Variants in NPEPPS observed in about 807,000 individuals in gnomAD.
The protein encoded by NPEPPS is puromycin-sensitive aminopeptidase.
NPEPPS carries 14 observed loss-of-function variants against 115.5 expected under a neutral mutation model. The ratio of observed to expected loss-of-function variants is 0.12; its 90% CI spans 0.08 to 0.19. The LOEUF is 0.19. Among genes scored for constraint, NPEPPS ranks in the 10% least tolerant of loss-of-function variants. The pLI, the probability that NPEPPS is intolerant of heterozygous loss-of-function variation, is 1.00. For missense variants in NPEPPS, 523 were observed against 1,110.8 expected (o/e 0.47, Z 7.52); for synonymous variants, 285 against 390.6 (o/e 0.73, Z 3.19).
intron 2 of NPEPPS, among the ~76,000 whole-genome samples, chr17:47,548,720 G>A (rs980000749): frequency 2.0e-5 from 3 of 151,594 alleles, no homozygotes; most frequent in Admixed American, 2.0e-4. Flanking sequence ...GGGATTACAG[G>A]CGTGTGCCAC....
chr17:47,530,114 T>TC (rs1907630723), upstream of NPEPPS, among the ~76,000 whole-genome samples: 1 of 143,528 alleles, frequency 7.0e-6, no homozygotes, highest in South Asian at 2.2e-4. Context: ...TTTTTTTTTT[T>TC]TTGTATTTTT....
chr17:47,554,348 C>CT (rs1235161307), intron 2 of NPEPPS, among the ~76,000 whole-genome samples: 28 of 151,278 alleles, frequency 1.9e-4, no homozygotes, highest in African/African-American at 6.5e-4. Context: ...CCAATATCTT[C>CT]TTTTTAAAAA....
At chr17:47,544,502 GTATTTATTTATTTATTTATTTATTTATT>G (rs61518431) in intron 1 of NPEPPS, among the ~76,000 whole-genome samples, 2 of 141,552 alleles carry the variant, frequency 1.4e-5, no homozygotes. Flanking sequence ...GAAATTAAAC[GTATTTATTTATTTATTTATTTATTTATT>G]TATTTATTTA....
intron 12 of NPEPPS, chr17:47,592,760 C>CT (rs3066327): frequency 8.0e-5 from 37 of 460,972 alleles, no homozygotes; most frequent in East Asian, 1.7e-4. Context: ...TCCTTTCTTT[C>CT]TTTTTTTTAA....
intron 1 of NPEPPS, among the ~76,000 whole-genome samples, chr17:47,538,526 C>CTTTTTTTT (rs1029993473): frequency 2.9e-5 from 3 of 104,440 alleles, no homozygotes; most frequent in East Asian, 3.1e-4. Flanking sequence ...TATCTGTTTT[C>CTTTTTTTT]TTTTTTTTTT....
At chr17:47,561,339 C>T in intron 2 of NPEPPS, among the ~76,000 whole-genome samples, 1 of 133,240 alleles carries the variant, frequency 7.5e-6, no homozygotes. Flanking sequence ...GCAGTGAGAC[C>T]CTGTCTCAAA....
chr17:47,595,486 A>G (rs1240210777), intron 12 of NPEPPS, among the ~76,000 whole-genome samples: 2 of 152,208 alleles, frequency 1.3e-5, no homozygotes, highest in African/African-American at 2.4e-5. Context: ...TCATCTGTTT[A>G]TCTTTTATTA....
At chr17:47,598,992 A>C (rs774106809) in intron 13 of NPEPPS, among the ~76,000 whole-genome samples, 14 of 152,214 alleles carry the variant, frequency 9.2e-5, no homozygotes, top group Non-Finnish European at 2.1e-4. Flanking sequence ...TCTCTAAAAA[A>C]ACTAAAAATA....
chr17:47,603,508 T>G (rs1913348865), intron 15 of NPEPPS: 1 of 154,168 alleles, frequency 6.5e-6, no homozygotes, highest in African/African-American at 2.4e-5. Flanking sequence ...AAAATTGGAA[T>G]CTGAAAATTG....
At chr17:47,599,617 CAA>C in intron 13 of NPEPPS, 57 bp from the exon 14 acceptor site, 1 of 1,456,494 alleles carries the variant, frequency 6.9e-7, no homozygotes, top group East Asian at 2.5e-5. Context: ...TCTTCAAAAA[CAA>C]AAACCAAAAC....
intron 1 of NPEPPS, among the ~76,000 whole-genome samples, chr17:47,537,177 G>T (rs1908366559): frequency 6.6e-6 from 1 of 151,582 alleles, no homozygotes; most frequent in Non-Finnish European, 1.5e-5. Context: ...AAAAAAGGAA[G>T]AAATTTTCTT....
At chr17:47,583,499 C>A (rs1357693915) in intron 5 of NPEPPS, among the ~76,000 whole-genome samples, 2 of 151,708 alleles carry the variant, frequency 1.3e-5, no homozygotes, top group African/African-American at 2.4e-5. Context: ...GTGGGAGGAT[C>A]ACTTGAACCC....
At chr17:47,588,997 G>T (rs1326114664) in intron 9 of NPEPPS, among the ~76,000 whole-genome samples, 5 of 152,156 alleles carry the variant, frequency 3.3e-5, no homozygotes, top group Non-Finnish European at 7.3e-5. Context: ...GTTCATTACA[G>T]TCTTTACCTC....
At chr17:47,529,523 G>C (rs918287785), upstream of NPEPPS, among the ~76,000 whole-genome samples, 5 of 148,850 alleles carry the variant, frequency 3.4e-5, no homozygotes, top group African/African-American at 1.2e-4. Context: ...TCCTGTCTCA[G>C]CCTCCCTAGT....
chr17:47,581,588 CCTT>C (rs2055674602), intron 4 of NPEPPS: 1 of 152,094 alleles, frequency 6.6e-6, no homozygotes, highest in Admixed American at 6.6e-5. Context: ...TTATACTCTC[CCTT>C]CTTTTCAGAT....
intron 1 of NPEPPS, among the ~76,000 whole-genome samples, chr17:47,532,891 A>C (rs1907926443): frequency 6.6e-6 from 1 of 152,144 alleles, no homozygotes; most frequent in Admixed American, 6.6e-5. Context: ...GCCTGTAATA[A>C]AAATGGGAAC....
chr17:47,547,089 CT>C (rs1411173475), intron 2 of NPEPPS, among the ~76,000 whole-genome samples: 1 of 151,826 alleles, frequency 6.6e-6, no homozygotes, highest in African/African-American at 2.4e-5. Context: ...AAAACATTTG[CT>C]TTATGAGACA....
intron 15 of NPEPPS, 37 bp downstream of exon 15, chr17:47,601,784 C>CTT: frequency 1.3e-6 from 2 of 1,589,732 alleles, no homozygotes; most frequent in Non-Finnish European, 1.7e-6. Context: ...ATTTCTCTCA[C>CTT]TTATACATTT....
chr17:47,612,578 T>G lies in NPEPPS; in HGVS notation c.2214T>G (p.Ile738Met), dbSNP rs749901711. 6.2e-7 allele frequency: 1 copy of G among 1,613,860 alleles called. No homozygotes were observed. The highest frequency in any genetic ancestry group is 8.5e-7 in the Non-Finnish European group (1 of 1,179,864). ...AGGACCACGTGGAAGGAAAACAGAT[T>G]CTCTCCGCTGATCTGAGGAGTCCTG... ...RFKDHVEGKQ[I>M]LSADLRSPVY... Residue 738 changes from isoleucine (I) to methionine (M), a missense_variant, in exon 18 of 23, where the codon ATT (isoleucine) becomes ATG (methionine). By Grantham distance (10) the Ile-to-Met change is conservative. Transcript: ENST00000322157.
Sources: allele counts gnomAD v4.1 joint callset (sites outside exome capture counted in the v4.1 genomes callset), GRCh38; gene constraint gnomAD v4.1.1; transcripts MANE v1.5; gene names NCBI Gene and HGNC (gene_info 2026-07-23, HGNC 2026-07-21).